GAREM1: variants seen among roughly 807,000 people sequenced by gnomAD.
GAREM1 encodes the protein GRB2 associated regulator of MAPK1 subtype 1.
GAREM1 carries 26 observed loss-of-function variants against 71.3 expected under a neutral mutation model. That is an observed-to-expected ratio of 0.36 (90% CI 0.27 to 0.51). The LOEUF is 0.51. Ranked by LOEUF, GAREM1 falls within the 20% of genes least tolerant of loss-of-function variation. GAREM1 has a pLI of 0.95. For synonymous variants in GAREM1, 440 were observed against 433.2 expected, an observed-to-expected ratio of 1.02 and a Z score of -0.20; for missense variants, 1,026 against 1,103.1, an observed-to-expected ratio of 0.93 and a Z score of 0.99.
chr18:32,435,627 A>G (rs2048668870), intron 1 of GAREM1, among the ~76,000 whole-genome samples: 1 of 152,174 alleles, frequency 6.6e-6, no homozygotes, highest in Non-Finnish European at 1.5e-5. Context: ...TAACAATGAG[A>G]AATGGTGACA....
chr18:32,281,157 G>A (rs2046947269), intron 4 of GAREM1, among the ~76,000 whole-genome samples: 1 of 152,206 alleles, frequency 6.6e-6, no homozygotes, highest in Non-Finnish European at 1.5e-5. Flanking sequence ...TTTTGTGCAA[G>A]GTATGAAGCT....
chr18:32,267,024 G>C lies in GAREM1; in HGVS notation c.*847C>G, dbSNP rs1369551409. 1.3e-5 allele frequency: 2 copies of C among 152,170 alleles called. No individual in the cohort carries two copies. The highest frequency in any genetic ancestry group is 2.9e-5 in the Non-Finnish European group (2 of 68,032). 9.4% of individuals were successfully genotyped at this position (152,170 alleles called of 1,614,324 possible). A position where few individuals can be genotyped will look rare whatever the true frequency, so the allele number is the denominator to read the frequency against. ...TGAGCTTCAAGAGACAGGGTTCTGAGAATCTTTGGAGTCATTCTGTCCACT... is the reference window on the plus strand; with the variant it reads ...TGAGCTTCAAGAGACAGGGTTCTGACAATCTTTGGAGTCATTCTGTCCACT... On this transcript the variant is annotated 3_prime_UTR_variant, in exon 6 of 6. Transcript: ENST00000269209.
chr18:32,370,466 T>G (rs1198778002), intron 2 of GAREM1, among the ~76,000 whole-genome samples: 1 of 151,542 alleles, frequency 6.6e-6, no homozygotes, highest in African/African-American at 2.4e-5. Context: ...ACCATAGGCA[T>G]AACACACAAT....
At chr18:32,286,988 G>T in intron 4 of GAREM1, 43 bp downstream of exon 4, 1 of 1,370,676 alleles carries the variant, frequency 7.3e-7, no homozygotes, top group Non-Finnish European at 1.0e-6. Flanking sequence ...TGAGCAGAGA[G>T]ACAGAAAGAC....
At chr18:32,368,203 C>A (rs753627669) in intron 2 of GAREM1, among the ~76,000 whole-genome samples, 3 of 152,098 alleles carry the variant, frequency 2.0e-5, no homozygotes, top group Non-Finnish European at 4.4e-5. Context: ...TAGATTCAGG[C>A]ACTTTTGACT....
chr18:32,436,478 G>A (rs949645702), intron 1 of GAREM1, among the ~76,000 whole-genome samples: 1 of 152,188 alleles, frequency 6.6e-6, no homozygotes, highest in African/African-American at 2.4e-5. Context: ...ATTAACAGCT[G>A]TAACTTAAAT....
chr18:32,345,705 G>A (rs755728270), intron 2 of GAREM1, among the ~76,000 whole-genome samples: 3 of 152,130 alleles, frequency 2.0e-5, no homozygotes, highest in African/African-American at 2.4e-5. Context: ...GATTCACATC[G>A]CTAAGCTGAT....
chr18:32,272,228 A>G (rs2041473144), intron 4 of GAREM1, among the ~76,000 whole-genome samples: 1 of 152,344 alleles, frequency 6.6e-6, no homozygotes, highest in East Asian at 1.9e-4. Context: ...TTCACTTGCC[A>G]GAGAAAACCA....
intron 2 of GAREM1, among the ~76,000 whole-genome samples, chr18:32,342,958 A>C (rs638868): frequency 0.33 from 49,495 of 152,074 alleles, 9,250 homozygotes; most frequent in African/African-American, 0.52. Context: ...TTTATAGATG[A>C]AATAACCTGA....
chr18:32,277,877 G>C (rs1463996745), intron 4 of GAREM1, among the ~76,000 whole-genome samples: 1 of 152,146 alleles, frequency 6.6e-6, no homozygotes, highest in Admixed American at 6.5e-5. Context: ...GATCTTTGGA[G>C]GACAAAAACT....
intron 1 of GAREM1, among the ~76,000 whole-genome samples, chr18:32,465,742 A>G (rs1426672436): frequency 6.6e-6 from 1 of 152,206 alleles, no homozygotes; most frequent in Non-Finnish European, 1.5e-5. Context: ...ACAACTGTAA[A>G]GGAATCAGTT....
At chr18:32,419,944 T>A (rs187504296) in intron 1 of GAREM1, among the ~76,000 whole-genome samples, 1 of 152,292 alleles carries the variant, frequency 6.6e-6, no homozygotes, top group Admixed American at 6.5e-5. Context: ...ACGAAAGCAG[T>A]TGTCACCTCG....
chr18:32,418,442 C>A (rs1024509338), intron 1 of GAREM1, among the ~76,000 whole-genome samples: 2 of 152,124 alleles, frequency 1.3e-5, no homozygotes, highest in African/African-American at 2.4e-5. Context: ...ACATACTGTT[C>A]TTTTGCTTGT....
intron 2 of GAREM1, among the ~76,000 whole-genome samples, chr18:32,360,782 A>G (rs928622714): frequency 2.6e-5 from 4 of 152,168 alleles, no homozygotes; most frequent in African/African-American, 7.2e-5. Context: ...ATTTGTTAAT[A>G]TCTTTCATTT....
In GAREM1 at chr18:32,287,682, C is replaced by T. The variant is rs1410234835; in HGVS notation, c.915G>A (p.Lys305=). ...MHFPLHLTVP[K]FSLPEHLVKG... ...TCACCAGGTGTTCTGGGAGGCTGAA[C>T]TTGGGGACAGTCAAGTGCAAAGGAA... The change falls in exon 4 of 6, where the codon AAG becomes AAA. Residue 305 remains lysine (K), a synonymous_variant. Coordinates refer to ENST00000269209, the MANE Select transcript of GAREM1 (RefSeq NM_001242409.2). This position sits in a 1 kb window ranked among gnomAD's most constrained non-coding sequence, Gnocchi z 5.9. 1 of 1,614,184 alleles carries T rather than the reference C, an allele frequency of 6.2e-7. No homozygotes were observed. The highest frequency in any genetic ancestry group is 8.5e-7 in the Non-Finnish European group (1 of 1,180,034).
intron 2 of GAREM1, among the ~76,000 whole-genome samples, chr18:32,372,819 G>A (rs2047996187): frequency 6.6e-6 from 1 of 152,194 alleles, no homozygotes; most frequent in African/African-American, 2.4e-5. Flanking sequence ...AGAGAAGGTG[G>A]CCCACAAATA....
At chr18:32,460,454 A>C (rs72935553) in intron 1 of GAREM1, among the ~76,000 whole-genome samples, 6,144 of 152,332 alleles carry the variant, frequency 0.04, 208 homozygotes, top group Non-Finnish European at 0.056. Context: ...AGAATCAATT[A>C]AAATAACTTG....
At chr18:32,435,242 G>A (rs941854799) in intron 1 of GAREM1, among the ~76,000 whole-genome samples, 14 of 151,782 alleles carry the variant, frequency 9.2e-5, no homozygotes, top group Admixed American at 1.3e-4. Context: ...ATACTAGATT[G>A]AATCTTGGGA....
At chr18:32,354,524 T>A (rs1327364623) in intron 2 of GAREM1, among the ~76,000 whole-genome samples, 1 of 152,096 alleles carries the variant, frequency 6.6e-6, no homozygotes, top group African/African-American at 2.4e-5. Flanking sequence ...TGATACAAAT[T>A]TAAAATTTGA....
Sources: gnomAD v4.1 joint callset for allele counts (sites outside exome capture counted in the v4.1 genomes callset) on GRCh38, gnomAD v4.1.1 for gene constraint, Gnocchi (gnomAD v3.1) non-coding constraint, MANE v1.5 for transcripts, NCBI Gene and HGNC (gene_info 2026-07-23, HGNC 2026-07-21) for gene names.